ACSL6: variants seen among roughly 807,000 people sequenced by gnomAD.
ACSL6 encodes acyl-CoA synthetase long chain family member 6.
ACSL6 carries 47 observed loss-of-function variants against 98.2 expected under a neutral mutation model. The ratio of observed to expected loss-of-function variants is 0.48; its 90% CI spans 0.38 to 0.61. The LOEUF is 0.61. Ranked by LOEUF, ACSL6 falls within the 20% of genes least tolerant of loss-of-function variation. The probability of loss-of-function intolerance (pLI) is 0.00; values close to 1 mark genes in which losing one functional copy is unlikely to be tolerated. For missense variants in ACSL6, 761 were observed against 913.4 expected (o/e 0.83, Z 2.15); for synonymous variants, 362 against 336.9 (o/e 1.07, Z -0.82).
intron 17 of ACSL6, among the ~76,000 whole-genome samples, chr5:131,963,984 C>T (rs754601503): frequency 4.8e-4 from 73 of 152,298 alleles, no homozygotes; most frequent in South Asian, 4.1e-4. Flanking sequence ...GGATTTGAAT[C>T]CCGATCCTTC....
In ACSL6 at chr5:131,965,128, C is replaced by A. The variant is rs188113934; in HGVS notation, c.1713+1288G>T. On this transcript the variant is annotated intron_variant, in intron 17 of 20. Coordinates refer to ENST00000651883, the MANE Select transcript of ACSL6 (RefSeq NM_001009185.3). ...ACACAGGCCCAAGCAGGGGCAGATC[C>A]ATTTACCAGCCCACTCAGCCTGCCT... 1.1e-4 allele frequency among the ~76,000 whole-genome samples: 16 copies of A among 152,318 alleles called. No homozygotes were observed. In the East Asian group the frequency reaches 2.9e-3, roughly 28 times the overall value.
intron 19 of ACSL6, 99 bp downstream of exon 19, chr5:131,960,421 G>T (rs571321636): frequency 5.6e-6 from 5 of 894,332 alleles, no homozygotes; most frequent in African/African-American, 1.7e-5. Flanking sequence ...AATTTCGTAC[G>T]AGCTCGAATT....
At chr5:131,983,694 C>T (rs1008406167) in intron 9 of ACSL6, 3 of 152,344 alleles carry the variant, frequency 2.0e-5, no homozygotes, top group African/African-American at 7.2e-5. Flanking sequence ...TGCTCACTCC[C>T]CCAGCTCTGC....
chr5:132,012,102 T>A (rs1580715029), upstream of ACSL6: 4 of 765,084 alleles, frequency 5.2e-6, no homozygotes, highest in Non-Finnish European at 7.8e-6. Flanking sequence ...TCCTAGGAGG[T>A]GCACACTCCT....
At position 131,990,836 on chromosome 5, in the gene ACSL6, C is replaced by G. The variant is rs201377012; in HGVS notation, c.385+17G>C. 13 of 1,611,930 alleles carry G rather than the reference C, an allele frequency of 8.1e-6. No individual in the cohort carries two copies. Among genetic ancestry groups the G allele is most frequent in the East Asian group, 6.7e-5 (3 of 44,886 alleles). ...GCCACACAGCCCCTCCACACCCCCCCCCACAACCCTTCTCACCTGAGATGC... is the reference window on the plus strand; with the variant it reads ...GCCACACAGCCCCTCCACACCCCCCGCCACAACCCTTCTCACCTGAGATGC... On this transcript the variant is annotated intron_variant, in intron 3 of 20. Transcript: ENST00000651883.
rs149648799 is a variant in ACSL6 at position 132,011,089 on chromosome 5, T to C, written c.49+416A>G. On this transcript the variant is annotated intron_variant, in intron 1 of 20. Transcript: ENST00000651883. This position sits in a 1 kb window ranked among gnomAD's most constrained non-coding sequence, Gnocchi z 5.4. Reference sequence around the variant, plus strand: ...GAAGCCTAGGTCAGTCCGGGTTACATAGCTGACCTGCTGTGGGACCTCGGG... The same window carrying C: ...GAAGCCTAGGTCAGTCCGGGTTACACAGCTGACCTGCTGTGGGACCTCGGG... 1.3e-5 allele frequency among the ~76,000 whole-genome samples: 2 copies of C among 152,138 alleles called. No homozygotes were observed. The highest frequency in any genetic ancestry group is 2.4e-5 in the African/African-American group (1 of 41,408).
In ACSL6 at chr5:131,950,091, A is replaced by T. The variant is rs1186514953; in HGVS notation, c.*4143T>A. The T allele has an allele frequency of 5.5e-6, 1 of 182,894 alleles. No individual in the cohort carries two copies. Among genetic ancestry groups the T allele is most frequent in the Non-Finnish European group, 1.2e-5 (1 of 85,976 alleles). 11.3% of individuals were successfully genotyped at this position (182,894 alleles called of 1,614,324 possible). On this transcript the variant is annotated 3_prime_UTR_variant, in exon 21 of 21. Transcript: ENST00000651883. ...ATGTAATTACAGTTAAGATACTTTT[A>T]TGCATATTTAAAAAGTAATATTTTA... is the stretch of plus-strand genomic sequence containing the variant.
intron 5 of ACSL6, 100 bp from the exon 6 acceptor site, chr5:131,989,004 G>A: frequency 9.5e-7 from 1 of 1,054,510 alleles, no homozygotes; most frequent in Non-Finnish European, 1.4e-6. Context: ...TAAGCCCTAT[G>A]CCTGTGGCAA....
At chr5:131,977,015 T>A (rs1196222281) in intron 9 of ACSL6, among the ~76,000 whole-genome samples, 1 of 152,212 alleles carries the variant, frequency 6.6e-6, no homozygotes, top group East Asian at 1.9e-4. Context: ...CTGTGCCTTA[T>A]CCTCTCCCGT....
chr5:131,950,181 C>T lies in ACSL6; in HGVS notation c.*4053G>A, dbSNP rs1752089558. 1 of 196,564 alleles carries T rather than the reference C, an allele frequency of 5.1e-6. No homozygotes were observed. The highest frequency in any genetic ancestry group is 1.1e-5 in the Non-Finnish European group (1 of 94,820). The allele number at this position is 196,564 out of a possible 1,614,324, so 12.2% of individuals were successfully genotyped here. A position where few individuals can be genotyped will look rare whatever the true frequency, so the allele number is the denominator to read the frequency against. On this transcript the variant is annotated 3_prime_UTR_variant, in exon 21 of 21. Transcript: ENST00000651883. Reference sequence around the variant, plus strand: ...TTCTTCAAAAAATATCCATTCTCCCCCATGCAACTGTTGCAATGATTTAAC... The same window carrying T: ...TTCTTCAAAAAATATCCATTCTCCCTCATGCAACTGTTGCAATGATTTAAC...
chr5:131,998,421 C>A (rs778501710), intron 1 of ACSL6, among the ~76,000 whole-genome samples: 7 of 152,210 alleles, frequency 4.6e-5, no homozygotes, highest in Non-Finnish European at 8.8e-5. Context: ...ACTGGAACTT[C>A]CTCCCACCTC....
At position 131,950,790 on chromosome 5, in the gene ACSL6, A is replaced by G. The variant is rs1221527776; in HGVS notation, c.*3444T>C. On this transcript the variant is annotated 3_prime_UTR_variant, in exon 21 of 21. Coordinates refer to ENST00000651883, the MANE Select transcript of ACSL6 (RefSeq NM_001009185.3). ...GTTCTTTGATAGGTAATACAATCAA[A>G]TTAAGTGCTGATTTCAAGTTGCTAA... The G allele has an allele frequency of 5.2e-6, 1 of 193,140 alleles. No homozygotes were observed. The highest frequency in any genetic ancestry group is 1.1e-5 in the Non-Finnish European group (1 of 92,642). 12.0% of individuals were successfully genotyped at this position (193,140 alleles called of 1,614,324 possible). A position where few individuals can be genotyped will look rare whatever the true frequency, so the allele number is the denominator to read the frequency against.
chr5:131,993,481 A>C (rs1389166228), intron 2 of ACSL6: 2 of 158,488 alleles, frequency 1.3e-5, no homozygotes, highest in Non-Finnish European at 2.8e-5. Context: ...GAGGAGAAAA[A>C]GCAAATTTTT....
Position 132,011,418 on chromosome 5 carries a change from G to A in ACSL6, c.49+87C>T. ...AGCAGGGGATGGGGGCTCGGCGGCC[G>A]CGGAGATGTAACACCTCCACCTCGG... On this transcript the variant is annotated intron_variant, in intron 1 of 20. Coordinates refer to ENST00000651883, the MANE Select transcript of ACSL6 (RefSeq NM_001009185.3). The surrounding 1 kb of genome is among the most constrained non-coding windows in gnomAD (Gnocchi z 5.4). 4.2e-6 allele frequency: 6 copies of A among 1,430,988 alleles called. No individual in the cohort carries two copies. The South Asian group carries it at 5.9e-5, about 14-fold the overall frequency. The allele number at this position is 1,430,988 out of a possible 1,614,324, so 88.6% of individuals were successfully genotyped here. A position where few individuals can be genotyped will look rare whatever the true frequency, so the allele number is the denominator to read the frequency against.
chr5:131,951,586 T>TG lies in ACSL6; in HGVS notation c.*2647_*2648insC. ...AAAGAAGAAACCTTGTTTTTGTTTT[T>TG]TTTTTTTCTTTCTTTTTGAGACGGA... On this transcript the variant is annotated 3_prime_UTR_variant, in exon 21 of 21. Coordinates refer to ENST00000651883, the MANE Select transcript of ACSL6 (RefSeq NM_001009185.3). The TG allele has an allele frequency of 5.4e-6, 1 of 183,584 alleles. No individual in the cohort carries two copies. Among genetic ancestry groups the TG allele is most frequent in the Non-Finnish European group, 1.2e-5 (1 of 86,446 alleles). 11.4% of individuals were successfully genotyped at this position (183,584 alleles called of 1,614,324 possible).
chr5:131,971,431 C>A (rs907315703), intron 14 of ACSL6, 119 bp downstream of exon 14: 5 of 814,532 alleles, frequency 6.1e-6, no homozygotes, highest in African/African-American at 1.8e-5. Context: ...GAGGAGGGAG[C>A]TTTTGTCTCA....
At chr5:131,958,918 C>A (rs971897033) in intron 20 of ACSL6, among the ~76,000 whole-genome samples, 1 of 151,612 alleles carries the variant, frequency 6.6e-6, no homozygotes, top group African/African-American at 2.4e-5. Flanking sequence ...AATATTTTTC[C>A]ATTTGAAGCA....
chr5:131,954,434 G>A, intron 20 of ACSL6, 63 bp from the exon 21 acceptor site: 3 of 1,501,108 alleles, frequency 2.0e-6, no homozygotes, highest in Non-Finnish European at 2.7e-6. Flanking sequence ...TAGTATACAT[G>A]GTAAAAAGCA....
chr5:132,011,395 C>A lies in ACSL6; in HGVS notation c.49+110G>T, dbSNP rs975889977. 17 of 1,193,874 alleles carry A rather than the reference C, an allele frequency of 1.4e-5. No individual in the cohort carries two copies. Among genetic ancestry groups the A allele is most frequent in the Non-Finnish European group, 2.1e-5 (17 of 814,314 alleles). 74.0% of individuals were successfully genotyped at this position (1,193,874 alleles called of 1,614,324 possible). ...GGACCTTGACGGGACAGCTCAGCAGCAGGGGATGGGGGCTCGGCGGCCGCG... is the reference window on the plus strand; with the variant it reads ...GGACCTTGACGGGACAGCTCAGCAGAAGGGGATGGGGGCTCGGCGGCCGCG... On this transcript the variant is annotated intron_variant, in intron 1 of 20. Coordinates refer to ENST00000651883, the MANE Select transcript of ACSL6 (RefSeq NM_001009185.3). This position sits in a 1 kb window ranked among gnomAD's most constrained non-coding sequence, Gnocchi z 5.4.
Sources: allele counts gnomAD v4.1 joint callset (sites outside exome capture counted in the v4.1 genomes callset), GRCh38; gene constraint gnomAD v4.1.1; non-coding constraint Gnocchi (gnomAD v3.1); transcripts MANE v1.5; gene names NCBI Gene and HGNC (gene_info 2026-07-23, HGNC 2026-07-21).